The following UBE4B variants were observed in gnomAD, a reference collection of about 807,000 sequenced individuals.
The protein encoded by UBE4B is ubiquitination factor E4B, also known as ubiquitin conjugation factor E4 B.
In UBE4B, 27 loss-of-function variants were observed where a neutral mutation model predicts 148.1. That is an observed-to-expected ratio of 0.18 (90% CI 0.13 to 0.25). UBE4B has a LOEUF of 0.25. UBE4B is among the 10% of genes least tolerant of loss of function. UBE4B has a pLI of 1.00. For synonymous variants in UBE4B, 596 were observed against 619.3 expected, an observed-to-expected ratio of 0.96 and a Z score of 0.56; for missense variants, 1,170 against 1,662.4, an observed-to-expected ratio of 0.70 and a Z score of 5.15.
At chr1:10,152,125 G>T (rs1253762320) in intron 21 of UBE4B, among the ~76,000 whole-genome samples, 1 of 151,944 alleles carries the variant, frequency 6.6e-6, no homozygotes, top group East Asian at 1.9e-4. Flanking sequence ...AATTAGCCGG[G>T]CATGGTTGCA....
At chr1:10,139,165 G>A (rs896973549) in intron 17 of UBE4B, among the ~76,000 whole-genome samples, 2 of 152,226 alleles carry the variant, frequency 1.3e-5, no homozygotes, top group African/African-American at 4.8e-5. Context: ...GGAGGCCGAG[G>A]CAGACGGATC....
chr1:10,080,452 T>G (rs562768191), intron 2 of UBE4B, among the ~76,000 whole-genome samples: 1 of 151,578 alleles, frequency 6.6e-6, no homozygotes, highest in East Asian at 1.9e-4. Context: ...GAAAGAAAAT[T>G]CTATGTTGGT....
chr1:10,053,598 A>G (rs1362352094), intron 1 of UBE4B, among the ~76,000 whole-genome samples: 2 of 152,092 alleles, frequency 1.3e-5, no homozygotes, highest in Non-Finnish European at 2.9e-5. Flanking sequence ...TGCTGCACCT[A>G]TCAACCCATC....
intron 19 of UBE4B, among the ~76,000 whole-genome samples, chr1:10,147,974 T>C (rs1645902165): frequency 6.6e-6 from 1 of 152,156 alleles, no homozygotes; most frequent in Non-Finnish European, 1.5e-5. Context: ...ACGCCTATAA[T>C]CCCAGCACTT....
intron 21 of UBE4B, among the ~76,000 whole-genome samples, chr1:10,152,815 A>G (rs1306051458): frequency 4.0e-5 from 6 of 151,880 alleles, no homozygotes; most frequent in African/African-American, 7.3e-5. Flanking sequence ...AAAAAAAAAA[A>G]GCACTGGGAT....
rs1296629920 is a variant in UBE4B, at chr1:10,180,079, C to A, written c.*123C>A. 2.4e-6 allele frequency: 3 copies of A among 1,241,802 alleles called. No individual in the cohort carries two copies. The East Asian group carries it at 7.0e-5, about 29-fold the overall frequency. 76.9% of individuals were successfully genotyped at this position (1,241,802 alleles called of 1,614,324 possible). On this transcript the variant is annotated 3_prime_UTR_variant, in exon 28 of 28. Coordinates refer to ENST00000343090, the MANE Select transcript of UBE4B (RefSeq NM_001105562.3). ...CAAATGTGGCAAACCAACCCCAGGC[C>A]CACCCAGAGCGAGCAAACGCTGAGA... is the stretch of plus-strand genomic sequence containing the variant.
intron 25 of UBE4B, among the ~76,000 whole-genome samples, chr1:10,172,853 C>T (rs1646358238): frequency 6.6e-6 from 1 of 152,022 alleles, no homozygotes; most frequent in African/African-American, 2.4e-5. Context: ...CCATGTGGCC[C>T]CATCATATTA....
chr1:10,110,896 C>A (rs1011383264), intron 7 of UBE4B, among the ~76,000 whole-genome samples: 1 of 151,864 alleles, frequency 6.6e-6, no homozygotes, highest in African/African-American at 2.4e-5. Flanking sequence ...CTTTGGAGGC[C>A]GAGGTGGGAG....
In UBE4B at chr1:10,067,758, C is replaced by A. The variant is rs1051924171; in HGVS notation, c.25-4270C>A. Among the ~76,000 whole-genome samples the A allele has an allele frequency of 3.9e-5, 6 of 151,958 alleles. No homozygotes were observed. The East Asian group carries it at 1.2e-3, about 29-fold the overall frequency. On this transcript the variant is annotated intron_variant, in intron 1 of 27. Transcript: ENST00000343090. ...TGTTGTTGTTGTTGAGATGGAGTCT[C>A]ACTCTATGGCCCAGGCTGGAGTGCA... is the stretch of plus-strand genomic sequence containing the variant.
At chr1:10,129,267 G>A (rs1570943388) in intron 11 of UBE4B, 125 bp from the exon 12 acceptor site, 1 of 655,958 alleles carries the variant, frequency 1.5e-6, no homozygotes, top group Middle Eastern at 2.7e-4. Flanking sequence ...CATTTCAGAG[G>A]GAATGCATGT....
At chr1:10,038,216 G>T (rs1643615615) in intron 1 of UBE4B, among the ~76,000 whole-genome samples, 1 of 149,918 alleles carries the variant, frequency 6.7e-6, no homozygotes, top group African/African-American at 2.5e-5. Flanking sequence ...GGAGGCGGAG[G>T]TTGCAGTGGG....
At chr1:10,084,548 G>GAA (rs1054924371) in intron 2 of UBE4B, among the ~76,000 whole-genome samples, 1 of 147,368 alleles carries the variant, frequency 6.8e-6, no homozygotes. Context: ...TGAAAGCTCT[G>GAA]AAAAAAAAAA....
chr1:10,077,635 G>A (rs766390760), intron 2 of UBE4B, among the ~76,000 whole-genome samples: 33 of 152,308 alleles, frequency 2.2e-4, no homozygotes, highest in Admixed American at 4.6e-4. Flanking sequence ...TGTTAGAAGC[G>A]AAGTAAGATT....
intron 22 of UBE4B, among the ~76,000 whole-genome samples, chr1:10,158,785 G>T (rs1646113897): frequency 6.6e-6 from 1 of 152,146 alleles, no homozygotes. Context: ...GAGGCGGGCG[G>T]ATCACTTGAG....
intron 1 of UBE4B, among the ~76,000 whole-genome samples, chr1:10,055,646 G>A (rs920696650): frequency 6.6e-6 from 1 of 152,166 alleles, no homozygotes; most frequent in Non-Finnish European, 1.5e-5. Flanking sequence ...CTGGCCAGGC[G>A]CAGTGGCTCA....
chr1:10,035,389 GTTTT>G (rs533941719), intron 1 of UBE4B, among the ~76,000 whole-genome samples: 6 of 65,818 alleles, frequency 9.1e-5, no homozygotes, highest in African/African-American at 4.1e-4. Context: ...CAGAGATACT[GTTTT>G]TTTTTTTTTT....
chr1:10,172,285 G>A (rs1035120853), intron 25 of UBE4B, among the ~76,000 whole-genome samples: 2 of 152,098 alleles, frequency 1.3e-5, no homozygotes, highest in Non-Finnish European at 1.5e-5. Flanking sequence ...CATTTTCAAC[G>A]TCCTCACAGC....
chr1:10,156,428 C>A (rs1018263758), intron 21 of UBE4B, among the ~76,000 whole-genome samples: 9 of 151,914 alleles, frequency 5.9e-5, no homozygotes, highest in Non-Finnish European at 1.0e-4. Flanking sequence ...TTTGTAGAGA[C>A]GGGGTTTCAC....
chr1:10,090,171 G>A (rs1314966976), intron 2 of UBE4B, among the ~76,000 whole-genome samples: 1 of 151,824 alleles, frequency 6.6e-6, no homozygotes, highest in Non-Finnish European at 1.5e-5. Flanking sequence ...CCAGGCCGAA[G>A]TGCAGAGGTG....
Sources: gnomAD v4.1 joint callset for allele counts (sites outside exome capture counted in the v4.1 genomes callset) on GRCh38, gnomAD v4.1.1 for gene constraint, MANE v1.5 for transcripts, NCBI Gene and HGNC (gene_info 2026-07-23, HGNC 2026-07-21) for gene names.